STK32A: variants seen among roughly 807,000 people sequenced by gnomAD.
STK32A encodes the protein serine/threonine kinase 32A.
A neutral mutation model predicts 53.2 loss-of-function variants in STK32A; 41 were observed. The observed-to-expected ratio is 0.77, with a 90% CI of 0.60 to 1.00. STK32A has a LOEUF of 1.00. Among genes scored for constraint, STK32A ranks in the 50% least tolerant of loss-of-function variants. The pLI, the probability that STK32A is intolerant of heterozygous loss-of-function variation, is 0.00. For synonymous variants in STK32A, 166 were observed against 162.8 expected (o/e 1.02, Z -0.15); for missense variants, 458 against 485.8 (o/e 0.94, Z 0.54).
intron 7 of STK32A, among the ~76,000 whole-genome samples, chr5:147,353,399 G>T (rs1338249332): frequency 6.6e-6 from 1 of 152,090 alleles, no homozygotes; most frequent in African/African-American, 2.4e-5. Flanking sequence ...CATTAGGCGA[G>T]CTCCTTATCC....
Position 147,384,065 on chromosome 5 carries a change from T to C in STK32A, c.*82T>C. The C allele has an allele frequency of 4.6e-6, 7 of 1,532,264 alleles. No homozygotes were observed. Among genetic ancestry groups the C allele is most frequent in the Non-Finnish European group, 6.1e-6 (7 of 1,148,170 alleles). 94.9% of individuals were successfully genotyped at this position (1,532,264 alleles called of 1,614,324 possible). ...GTCAAGAAAAGCTGACAGTAGTTCTTGCCACTCCACACACCATGACTTAGA... is the reference window on the plus strand; with the variant it reads ...GTCAAGAAAAGCTGACAGTAGTTCTCGCCACTCCACACACCATGACTTAGA... On this transcript the variant is annotated 3_prime_UTR_variant, in exon 13 of 13. Coordinates refer to ENST00000397936, the MANE Select transcript of STK32A (RefSeq NM_001112724.2).
intron 11 of STK32A, among the ~76,000 whole-genome samples, chr5:147,378,367 C>T (rs1380138128): frequency 6.6e-6 from 1 of 152,074 alleles, no homozygotes; most frequent in Non-Finnish European, 1.5e-5. Context: ...CTTAATGTTA[C>T]AGAGGAAATA....
chr5:147,345,205 C>T (rs1424713010), intron 6 of STK32A, among the ~76,000 whole-genome samples: 1 of 152,010 alleles, frequency 6.6e-6, no homozygotes, highest in Non-Finnish European at 1.5e-5. Flanking sequence ...TTAGTTTTTC[C>T]AGGGATCAAA....
chr5:147,297,859 A>G (rs566151187), intron 4 of STK32A, among the ~76,000 whole-genome samples: 1 of 152,106 alleles, frequency 6.6e-6, no homozygotes, highest in East Asian at 1.9e-4. Context: ...ACGTGCCTGT[A>G]ATCTCAGCTA....
Position 147,273,695 on chromosome 5 carries a change from T to G in STK32A, c.53-4429T>G, listed in dbSNP as rs1323540326. Among the ~76,000 whole-genome samples the G allele has an allele frequency of 3.9e-5, 6 of 152,208 alleles. No homozygotes were observed. The South Asian group carries it at 8.3e-4, about 21-fold the overall frequency. ...TTATTGGGTACCCACACAAAGGAGA[T>G]AGAATTGTCTGTTGGACTTTTTGAA... On this transcript the variant is annotated intron_variant, in intron 2 of 12. Coordinates refer to ENST00000397936, the MANE Select transcript of STK32A (RefSeq NM_001112724.2).
chr5:147,257,135 A>C (rs554973470), intron 2 of STK32A, among the ~76,000 whole-genome samples: 1 of 152,250 alleles, frequency 6.6e-6, no homozygotes, highest in African/African-American at 2.4e-5. Context: ...TCTCTTTAGT[A>C]AAATGAGTGT....
intron 2 of STK32A, among the ~76,000 whole-genome samples, chr5:147,272,615 A>G (rs1349048238): frequency 7.8e-6 from 1 of 128,090 alleles, no homozygotes; most frequent in Non-Finnish European, 1.6e-5. Context: ...AGAATCTCTT[A>G]AAGGGTACAC....
intron 5 of STK32A, among the ~76,000 whole-genome samples, chr5:147,337,075 G>A (rs547293594): frequency 6.6e-6 from 1 of 152,152 alleles, no homozygotes; most frequent in Non-Finnish European, 1.5e-5. Flanking sequence ...TGTTAACCCT[G>A]CTAATGTCTT....
chr5:147,333,419 G>A (rs1581105778), intron 5 of STK32A, among the ~76,000 whole-genome samples: 1 of 152,264 alleles, frequency 6.6e-6, no homozygotes, highest in East Asian at 1.9e-4. Flanking sequence ...GTTTTCCACT[G>A]TGATATTCAC....
the STK32A span, chr5:147,399,307 AG>A: frequency 6.4e-7 from 1 of 1,550,400 alleles, no homozygotes; most frequent in African/African-American, 1.4e-5. Flanking sequence ...ATATCAATTC[AG>A]GGCTTCTGAA....
intron 2 of STK32A, among the ~76,000 whole-genome samples, chr5:147,271,827 T>C (rs910603339): frequency 6.6e-6 from 1 of 152,106 alleles, no homozygotes; most frequent in African/African-American, 2.4e-5. Flanking sequence ...TCAATGACAA[T>C]GGTGCCCGAA....
At chr5:147,272,888 G>A (rs1459596354) in intron 2 of STK32A, among the ~76,000 whole-genome samples, 3 of 152,200 alleles carry the variant, frequency 2.0e-5, no homozygotes, top group East Asian at 1.9e-4. Flanking sequence ...TGGTGTCCTC[G>A]TTGCCTGTTC....
intron 2 of STK32A, among the ~76,000 whole-genome samples, chr5:147,265,595 A>G (rs1259792976): frequency 1.3e-5 from 2 of 152,192 alleles, no homozygotes; most frequent in African/African-American, 4.8e-5. Context: ...TAAATGAGGC[A>G]CACTCAGTTT....
At chr5:147,317,779 T>G (rs1236762917) in intron 4 of STK32A, among the ~76,000 whole-genome samples, 1 of 152,158 alleles carries the variant, frequency 6.6e-6, no homozygotes, top group African/African-American at 2.4e-5. Flanking sequence ...TGATAAAAAT[T>G]TCTTTATTTA....
chr5:147,374,128 A>AC (rs1757126131), intron 10 of STK32A, among the ~76,000 whole-genome samples: 1 of 151,968 alleles, frequency 6.6e-6, no homozygotes, highest in African/African-American at 2.4e-5. Context: ...CTACAGAAAA[A>AC]GAAAAAAAAA....
At chr5:147,401,974 T>G in the STK32A span, 1 of 321,342 alleles carries the variant, frequency 3.1e-6, no homozygotes, top group Non-Finnish European at 5.6e-6. Context: ...CAAAAGAAAA[T>G]AAAATATACA....
chr5:147,329,120 G>T (rs116628059), intron 5 of STK32A, among the ~76,000 whole-genome samples: 1 of 152,092 alleles, frequency 6.6e-6, no homozygotes, highest in East Asian at 1.9e-4. Context: ...ATTGAGTACC[G>T]AAATGTTGAA....
intron 5 of STK32A, among the ~76,000 whole-genome samples, chr5:147,328,551 A>C (rs1350836908): frequency 5.3e-5 from 8 of 152,174 alleles, no homozygotes; most frequent in Admixed American, 5.2e-4. Flanking sequence ...AAGAAGTCAA[A>C]CTTTTTGTGT....
At chr5:147,274,548 A>G (rs1183263647) in intron 2 of STK32A, among the ~76,000 whole-genome samples, 1 of 152,194 alleles carries the variant, frequency 6.6e-6, no homozygotes, top group African/African-American at 2.4e-5. Context: ...TGAAAACCCC[A>G]AATGTATTGA....
Sources: gnomAD v4.1 joint callset for allele counts (sites outside exome capture counted in the v4.1 genomes callset) on GRCh38, gnomAD v4.1.1 for gene constraint, MANE v1.5 for transcripts, NCBI Gene and HGNC (gene_info 2026-07-23, HGNC 2026-07-21) for gene names.